CHMP1A: variants seen among roughly 807,000 people sequenced by gnomAD.
The protein encoded by CHMP1A is charged multivesicular body protein 1A.
A neutral mutation model predicts 27.0 loss-of-function variants in CHMP1A; 17 were observed. That is an observed-to-expected ratio of 0.63 (90% CI 0.43 to 0.95). The LOEUF (loss-of-function observed/expected upper bound fraction) is 0.95. Among genes scored for constraint, CHMP1A ranks in the 40% least tolerant of loss-of-function variants. CHMP1A has a pLI of 0.00. For synonymous variants in CHMP1A, 131 were observed against 107.5 expected, an observed-to-expected ratio of 1.22 and a Z score of -1.35; for missense variants, 275 against 264.0, an observed-to-expected ratio of 1.04 and a Z score of -0.29.
At chr16:89,655,399 AGC>A (rs2059856857) in intron 1 of CHMP1A, among the ~76,000 whole-genome samples, 3 of 150,902 alleles carry the variant, frequency 2.0e-5, no homozygotes, top group Admixed American at 2.0e-4. Context: ...CCCTCACCTC[AGC>A]TTTCCCTCAC....
At chr16:89,654,895 A>G (rs1367055883) in intron 1 of CHMP1A, among the ~76,000 whole-genome samples, 1 of 151,970 alleles carries the variant, frequency 6.6e-6, no homozygotes, top group Non-Finnish European at 1.5e-5. Flanking sequence ...GTGAGCCGAG[A>G]TTGCGCCACT....
At chr16:89,654,824 T>A (rs2059852204) in intron 1 of CHMP1A, among the ~76,000 whole-genome samples, 1 of 151,816 alleles carries the variant, frequency 6.6e-6, no homozygotes, top group African/African-American at 2.4e-5. Context: ...GCGCCTGTAG[T>A]CCCAGCTACT....
intron 4 of CHMP1A, chr16:89,649,143 G>A (rs1032226373): frequency 6.1e-5 from 21 of 346,092 alleles, no homozygotes; most frequent in African/African-American, 8.1e-5. Context: ...CCCACCCCAC[G>A]CTGATCCAGC....
chr16:89,657,115 G>A (rs1204503734), intron 1 of CHMP1A, among the ~76,000 whole-genome samples: 9 of 141,844 alleles, frequency 6.3e-5, no homozygotes, highest in Admixed American at 7.0e-5. Flanking sequence ...CGGGGTAAAG[G>A]ATCTCGGGTT....
chr16:89,656,086 C>G (rs1401281209), intron 1 of CHMP1A, among the ~76,000 whole-genome samples: 3 of 152,162 alleles, frequency 2.0e-5, no homozygotes, highest in African/African-American at 7.2e-5. Flanking sequence ...AATCTCTACA[C>G]ATTTCCTTCA....
intron 3 of CHMP1A, among the ~76,000 whole-genome samples, chr16:89,650,566 G>A (rs1417559780): frequency 1.3e-5 from 2 of 152,234 alleles, no homozygotes; most frequent in Non-Finnish European, 2.9e-5. Flanking sequence ...AGCACTCTGG[G>A]AGGCTGAGGC....
chr16:89,656,471 A>G (rs1347704120), intron 1 of CHMP1A, among the ~76,000 whole-genome samples: 1 of 152,214 alleles, frequency 6.6e-6, no homozygotes, highest in Non-Finnish European at 1.5e-5. Flanking sequence ...TGCCCATCAC[A>G]CCAGCCCAAC....
rs562369209 is a variant in CHMP1A at position 89,656,389 on chromosome 16, G to A, written c.7+1193C>T. Among the ~76,000 whole-genome samples the A allele has an allele frequency of 1.6e-4, 25 of 152,160 alleles. No homozygotes were observed. In the South Asian group the frequency reaches 3.9e-3, roughly 24 times the overall value. ...CCTGACCTTGCGATCCGCCGGCCTC[G>A]GCCTCCCAAAGTGCTGGGATTACAG... On this transcript the variant is annotated intron_variant, in intron 1 of 6. Transcript: ENST00000397901.
At chr16:89,655,161 C>A (rs1213301240) in intron 1 of CHMP1A, among the ~76,000 whole-genome samples, 1 of 152,122 alleles carries the variant, frequency 6.6e-6, no homozygotes, top group East Asian at 1.9e-4. Flanking sequence ...CCAGAAAGCT[C>A]TGGGCATCGT....
intron 1 of CHMP1A, 150 bp from the exon 2 acceptor site, chr16:89,654,073 C>G (rs1447167023): frequency 3.6e-6 from 3 of 833,040 alleles, no homozygotes; most frequent in Admixed American, 1.9e-5. Context: ...GAGCCCCCCC[C>G]AACAGGGGAG....
chr16:89,651,643 T>C lies in CHMP1A; in HGVS notation c.31A>G (p.Thr11Ala), dbSNP rs1478580878. The C allele has an allele frequency of 6.2e-7, 1 of 1,613,472 alleles. No individual in the cohort carries two copies. The highest frequency in any genetic ancestry group is 8.5e-7 in the Non-Finnish European group (1 of 1,179,800). ...GCCAGCTTCTCCAGCTGCTTCGCCGTGAACTGAGCGGAAGCCGGAATGTCC... is the reference window on the plus strand; with the variant it reads ...GCCAGCTTCTCCAGCTGCTTCGCCGCGAACTGAGCGGAAGCCGGAATGTCC... MDDTLFQLKF[T>A]AKQLEKLAKK... Residue 11 changes from threonine (T) to alanine (A), a missense_variant, in exon 3 of 7, where the codon ACG becomes GCG. Coordinates refer to ENST00000397901, the MANE Select transcript of CHMP1A (RefSeq NM_002768.5).
intron 4 of CHMP1A, 126 bp from the exon 5 acceptor site, chr16:89,647,457 A>G (rs2059784294): frequency 1.2e-6 from 1 of 801,802 alleles, no homozygotes. Flanking sequence ...CAAAACCCCA[A>G]CTCTGGGCTG....
At chr16:89,646,823 C>A (rs2059777542) in intron 5 of CHMP1A, 109 bp from the exon 6 acceptor site, 1 of 1,226,128 alleles carries the variant, frequency 8.2e-7, no homozygotes, top group South Asian at 1.3e-5. Flanking sequence ...CAGCCAGCCA[C>A]CTTCTTGCCC....
intron 3 of CHMP1A, among the ~76,000 whole-genome samples, chr16:89,649,904 G>A (rs1466751512): frequency 4.0e-5 from 6 of 151,676 alleles, no homozygotes; most frequent in East Asian, 2.0e-4. Flanking sequence ...GGCGGTGGGC[G>A]GGCCTCTCCC....
intron 5 of CHMP1A, 88 bp downstream of exon 5, chr16:89,647,115 C>A (rs770920405): frequency 1.9e-6 from 3 of 1,550,276 alleles, no homozygotes; most frequent in Non-Finnish European, 2.6e-6. Context: ...AGAGACAGCA[C>A]GTCAGCCTGT....
Position 89,657,623 on chromosome 16 carries a change from G to T in CHMP1A, c.-35C>A, listed in dbSNP as rs751816289. Reference sequence around the variant, plus strand: ...GACAGGAGCAGCACTCGGAGAGGGAGAAGGGACGCCAACTCCGGGCGGTGT... The same window carrying T: ...GACAGGAGCAGCACTCGGAGAGGGATAAGGGACGCCAACTCCGGGCGGTGT... On this transcript the variant is annotated 5_prime_UTR_variant, in exon 1 of 7. Coordinates refer to ENST00000397901, the MANE Select transcript of CHMP1A (RefSeq NM_002768.5). 8 of 1,609,934 alleles carry T rather than the reference G, an allele frequency of 5.0e-6. No individual in the cohort carries two copies. In the South Asian group the frequency reaches 6.6e-5, roughly 13 times the overall value.
At chr16:89,650,072 T>C (rs563438617) in intron 3 of CHMP1A, among the ~76,000 whole-genome samples, 78 of 152,264 alleles carry the variant, frequency 5.1e-4, no homozygotes, top group South Asian at 3.1e-3. Flanking sequence ...AGCTCCATTC[T>C]CCCTGGGAGC....
chr16:89,646,471 T>C (rs1217871643), intron 6 of CHMP1A, 56 bp downstream of exon 6: 26 of 1,473,892 alleles, frequency 1.8e-5, no homozygotes, highest in Middle Eastern at 4.5e-4. Context: ...CTCTCTCCCT[T>C]CCCACAGCAC....
chr16:89,657,667 G>A lies in CHMP1A; in HGVS notation c.-79C>T. On this transcript the variant is annotated 5_prime_UTR_variant, in exon 1 of 7. Transcript: ENST00000397901. ...GCGGTGTCAGGTCCCGGCGGCGATC[G>A]AACCGACCAAGCTGCACCCGGCGGG... 1 of 1,597,892 alleles carries A rather than the reference G, an allele frequency of 6.3e-7. No homozygotes were observed. Among genetic ancestry groups the A allele is most frequent in the African/African-American group, 1.4e-5 (1 of 73,638 alleles).
Sources: allele counts gnomAD v4.1 joint callset (sites outside exome capture counted in the v4.1 genomes callset), GRCh38; gene constraint gnomAD v4.1.1; transcripts MANE v1.5; gene names NCBI Gene and HGNC (gene_info 2026-07-23, HGNC 2026-07-21).